EYS: variants seen among roughly 807,000 people sequenced by gnomAD.
EYS encodes protein eyes shut homolog.
A neutral mutation model predicts 282.1 loss-of-function variants in EYS; 250 were observed. That is an observed-to-expected ratio of 0.89 (90% CI 0.80 to 0.98). The LOEUF is 0.98. Among genes scored for constraint, EYS ranks in the 50% least tolerant of loss-of-function variants. EYS has a pLI of 0.00. For synonymous variants in EYS, 1,355 were observed against 1,282.9 expected (o/e 1.06, Z -1.20); for missense variants, 4,016 against 3,709.0 (o/e 1.08, Z -2.15).
At chr6:64,789,508 G>T (rs1002957045) in intron 22 of EYS, among the ~76,000 whole-genome samples, 4 of 152,064 alleles carry the variant, frequency 2.6e-5, no homozygotes, top group African/African-American at 9.7e-5. Flanking sequence ...CCACCAAATT[G>T]TCCACTAAAA....
chr6:65,288,201 T>C (rs1768423527), intron 12 of EYS, among the ~76,000 whole-genome samples: 1 of 151,058 alleles, frequency 6.6e-6, no homozygotes, highest in Non-Finnish European at 1.5e-5. Context: ...CTGTAGGAAA[T>C]GACAAACTTA....
At chr6:64,347,820 G>A (rs1309318335) in intron 29 of EYS, among the ~76,000 whole-genome samples, 4 of 150,844 alleles carry the variant, frequency 2.7e-5, no homozygotes, top group African/African-American at 9.7e-5. Context: ...CAACTGTGTC[G>A]TGCTATCTTC....
At chr6:64,163,214 A>C (rs1047080202) in intron 31 of EYS, among the ~76,000 whole-genome samples, 1 of 151,920 alleles carries the variant, frequency 6.6e-6, no homozygotes, top group Non-Finnish European at 1.5e-5. Context: ...GTCTAAAAAC[A>C]AAAAAAATTA....
At chr6:64,498,447 A>G (rs375863940) in intron 26 of EYS, among the ~76,000 whole-genome samples, 54 of 151,616 alleles carry the variant, frequency 3.6e-4, no homozygotes, top group African/African-American at 1.3e-3. Flanking sequence ...TACCTCTTTT[A>G]GCTCTTATAT....
chr6:65,278,031 C>CCTTTCCTTTTCTTTTCTTTTCTTTT (rs1768098270), intron 12 of EYS, among the ~76,000 whole-genome samples: 5 of 107,510 alleles, frequency 4.7e-5, no homozygotes, highest in South Asian at 6.3e-4. Flanking sequence ...CTTTTCTTTT[C>CCTTTCCTTTTCTTTTCTTTTCTTTT]CTTTTCTTTT....
intron 1 of EYS, among the ~76,000 whole-genome samples, chr6:65,671,951 CAG>C (rs1768403601): frequency 6.6e-6 from 1 of 152,108 alleles, no homozygotes; most frequent in Non-Finnish European, 1.5e-5. Context: ...CCAGTGGAAA[CAG>C]AGGCAGCCCT....
chr6:64,300,480 A>T (rs879477697), intron 30 of EYS, among the ~76,000 whole-genome samples: 1 of 150,866 alleles, frequency 6.6e-6, no homozygotes, highest in Non-Finnish European at 1.5e-5. Flanking sequence ...CACTGTTGTT[A>T]TTTCTCCCTT....
chr6:65,353,553 T>C lies in EYS; in HGVS notation c.1364A>G (p.His455Arg), dbSNP rs763699545. The C allele has an allele frequency of 1.2e-6, 2 of 1,613,078 alleles. No individual in the cohort carries two copies. Among genetic ancestry groups the C allele is most frequent in the Non-Finnish European group, 1.7e-6 (2 of 1,179,320 alleles). Residue 455 changes from histidine (H) to arginine (R), a missense_variant, in exon 9 of 43, where the codon CAT becomes CGT. By Grantham distance (29) the His-to-Arg change is conservative. Coordinates refer to ENST00000503581, the MANE Select transcript of EYS (RefSeq NM_001142800.2). ...CWFLKNVYLI[H>R]QHLCYCGVTF... Reference sequence around the variant, plus strand: ...GACTCCACAGTAGCAGAGGTGTTGATGAATTAGGTAAACATTCTTCAAAAA... The same window carrying C: ...GACTCCACAGTAGCAGAGGTGTTGACGAATTAGGTAAACATTCTTCAAAAA...
intron 31 of EYS, among the ~76,000 whole-genome samples, chr6:64,193,115 T>C (rs1410937859): frequency 6.6e-6 from 1 of 152,242 alleles, no homozygotes; most frequent in Non-Finnish European, 1.5e-5. Flanking sequence ...GAAATTTCTT[T>C]CTTCCATATA....
chr6:65,434,851 CTGTT>C (rs776501446), intron 5 of EYS, among the ~76,000 whole-genome samples: 18 of 151,942 alleles, frequency 1.2e-4, no homozygotes, highest in African/African-American at 1.5e-4. Context: ...CTGTGAAGAC[CTGTT>C]TGTCTCATTT....
intron 11 of EYS, among the ~76,000 whole-genome samples, chr6:65,315,046 G>A (rs1769263366): frequency 6.6e-6 from 1 of 151,956 alleles, no homozygotes; most frequent in African/African-American, 2.4e-5. Flanking sequence ...ATCTCACAGA[G>A]CACACATAAT....
intron 35 of EYS, among the ~76,000 whole-genome samples, chr6:63,966,354 G>A (rs1047125634): frequency 6.6e-6 from 1 of 152,168 alleles, no homozygotes; most frequent in Non-Finnish European, 1.5e-5. Context: ...AGGACTGTGA[G>A]GACTTGGGAA....
intron 35 of EYS, among the ~76,000 whole-genome samples, chr6:63,969,891 C>T (rs1166697060): frequency 1.3e-5 from 2 of 152,196 alleles, no homozygotes; most frequent in Non-Finnish European, 2.9e-5. Flanking sequence ...CTGTTTAATG[C>T]CATTCATTTT....
chr6:64,910,610 C>T (rs77298975), intron 16 of EYS, among the ~76,000 whole-genome samples: 4,796 of 151,992 alleles, frequency 0.032, 132 homozygotes, highest in East Asian at 0.13. Context: ...ATTTGGCTTA[C>T]GTACAATAAT....
At chr6:63,949,553 C>T (rs998214709) in intron 35 of EYS, among the ~76,000 whole-genome samples, 2 of 152,112 alleles carry the variant, frequency 1.3e-5, no homozygotes, top group Admixed American at 6.6e-5. Context: ...TTTTTATTCA[C>T]TCATTTATTC....
At position 65,675,484 on chromosome 6, in the gene EYS, C is replaced by T. The variant is rs548236828; in HGVS notation, c.-448+31651G>A. Among the ~76,000 whole-genome samples the T allele has an allele frequency of 2.0e-5, 3 of 151,776 alleles. No homozygotes were observed. The South Asian group carries it at 6.2e-4, about 31-fold the overall frequency. On this transcript the variant is annotated intron_variant, in intron 1 of 42. Coordinates refer to ENST00000503581, the MANE Select transcript of EYS (RefSeq NM_001142800.2). ...CAGAGGTAGCCATATTTGTATCAGA[C>T]AAAATATAATTTAAGTCAAAATCTG...
At chr6:65,382,836 G>C (rs1765669140) in intron 8 of EYS, among the ~76,000 whole-genome samples, 1 of 151,932 alleles carries the variant, frequency 6.6e-6, no homozygotes, top group Non-Finnish European at 1.5e-5. Context: ...TGCCCACCTA[G>C]ATTAAGGGTG....
intron 5 of EYS, among the ~76,000 whole-genome samples, chr6:65,443,931 G>T (rs1768549575): frequency 6.6e-6 from 1 of 151,572 alleles, no homozygotes; most frequent in Admixed American, 6.6e-5. Context: ...CATAAGATCA[G>T]AAGAACACTT....
chr6:64,461,697 G>GT (rs1775755469), intron 26 of EYS, among the ~76,000 whole-genome samples: 3 of 152,104 alleles, frequency 2.0e-5, no homozygotes, highest in Admixed American at 6.6e-5. Flanking sequence ...AATTTTCACA[G>GT]TAAGAAGAGT....
Sources: allele counts gnomAD v4.1 joint callset (sites outside exome capture counted in the v4.1 genomes callset), GRCh38; gene constraint gnomAD v4.1.1; transcripts MANE v1.5; gene names NCBI Gene and HGNC (gene_info 2026-07-23, HGNC 2026-07-21).